Variants in UBR2 observed in about 807,000 individuals in gnomAD.
UBR2 encodes the protein ubiquitin protein ligase E3 component n-recognin 2, also known as E3 ubiquitin-protein ligase UBR2.
A neutral mutation model predicts 247.9 loss-of-function variants in UBR2; 92 were observed. The observed-to-expected ratio is 0.37, with a 90% CI of 0.31 to 0.44. UBR2 has a LOEUF of 0.44. UBR2 is among the 20% of genes least tolerant of loss of function. The pLI is 1.00. For synonymous variants in UBR2, 672 were observed against 693.5 expected (o/e 0.97, Z 0.49); for missense variants, 1,613 against 2,112.6 (o/e 0.76, Z 4.64).
intron 2 of UBR2, among the ~76,000 whole-genome samples, chr6:42,582,136 A>G (rs1402828049): frequency 1.3e-5 from 2 of 152,026 alleles, no homozygotes; most frequent in Non-Finnish European, 2.9e-5. Context: ...ACAAAAAATT[A>G]GCCGGGCGTG....
At position 42,686,726 on chromosome 6, in the gene UBR2, G is replaced by A. The variant is rs529753168; in HGVS notation, c.4854-1490G>A. 2.3e-3 allele frequency among the ~76,000 whole-genome samples: 341 copies of A among 150,844 alleles called. 3 individuals carry two copies. The highest frequency in any genetic ancestry group is 6.8e-3 in the African/African-American group (278 of 41,024). On this transcript the variant is annotated intron_variant, in intron 44 of 46. Transcript: ENST00000372901. ...GGGAGCTGCCCCCCACCTCCCGGACGGGGCAGCTGGCCGGGTAGGGGCTGC... is the reference window on the plus strand; with the variant it reads ...GGGAGCTGCCCCCCACCTCCCGGACAGGGCAGCTGGCCGGGTAGGGGCTGC...
chr6:42,636,927 C>T, intron 14 of UBR2, 84 bp from the exon 15 acceptor site: 5 of 1,433,566 alleles, frequency 3.5e-6, no homozygotes, highest in South Asian at 1.4e-5. Flanking sequence ...ATTTGAGGTA[C>T]TTACTCACTG....
intron 14 of UBR2, 51 bp from the exon 15 acceptor site, chr6:42,636,957 ATGT>A: frequency 2.6e-6 from 4 of 1,564,392 alleles, no homozygotes; most frequent in East Asian, 2.3e-5. Context: ...TGCTTATTCA[ATGT>A]TGTAAAAACT....
Position 42,573,891 on chromosome 6 carries a change from G to T in UBR2, c.236G>T (p.Gly79Val). 6.2e-7 allele frequency: 1 copy of T among 1,614,092 alleles called. No homozygotes were observed. Among genetic ancestry groups the T allele is most frequent in the South Asian group, 1.1e-5 (1 of 91,060 alleles). ...LLGPMEWYLC[G>V]EDPAFGFPKL... Reference sequence around the variant, plus strand: ...GGACCAATGGAATGGTACCTTTGTGGTGAAGATCCTGCATTTGGATTTCCA... The same window carrying T: ...GGACCAATGGAATGGTACCTTTGTGTTGAAGATCCTGCATTTGGATTTCCA... The change falls in exon 2 of 47, where the codon GGT (glycine) becomes GTT (valine). Residue 79 changes from glycine to valine, a missense_variant. Physicochemically the swap from Gly to Val is moderately radical, Grantham distance 109. Around this residue, in one of 3 missense-constraint regions of UBR2, gnomAD observed 1,524 missense variants for 1,967.3 expected, o/e 0.77. Coordinates refer to ENST00000372901, the MANE Select transcript of UBR2 (RefSeq NM_001363705.2).
intron 4 of UBR2, among the ~76,000 whole-genome samples, chr6:42,601,676 GAAACTCTAGCTCA>G (rs1793370169): frequency 9.4e-6 from 1 of 105,904 alleles, no homozygotes; most frequent in Admixed American, 1.1e-4. Flanking sequence ...CGACAAGAGC[GAAACTCTAGCTCA>G]AAAAAAAAAA....
chr6:42,690,792 T>C (rs374036), intron 46 of UBR2, among the ~76,000 whole-genome samples: 138,660 of 152,132 alleles, frequency 0.91, 63,252 homozygotes, highest in East Asian at 0.99. Flanking sequence ...CACCTCACTC[T>C]GGGTAAGTCT....
chr6:42,639,563 A>G (rs915201113), intron 15 of UBR2, among the ~76,000 whole-genome samples: 3 of 152,140 alleles, frequency 2.0e-5, no homozygotes, highest in Non-Finnish European at 4.4e-5. Flanking sequence ...CCTTGAGGTT[A>G]GAAACTAATG....
intron 4 of UBR2, among the ~76,000 whole-genome samples, chr6:42,595,705 A>G (rs1792924674): frequency 6.6e-6 from 1 of 151,032 alleles, no homozygotes; most frequent in Admixed American, 6.6e-5. Context: ...AGCCAAGATC[A>G]TGACCCTGTC....
chr6:42,664,960 G>A (rs889051605), intron 32 of UBR2, among the ~76,000 whole-genome samples: 1 of 152,134 alleles, frequency 6.6e-6, no homozygotes, highest in East Asian at 1.9e-4. Context: ...GTAAAATGGG[G>A]ACAATAATAA....
At position 42,640,443 on chromosome 6, in the gene UBR2, C is replaced by CAT. The variant is rs1582619022; in HGVS notation, c.1920+179_1920+180dup. Reference sequence around the variant, plus strand: ...GTGTGTGTGTGTGTGTGTATAGATACATATATAGAGAGAGAGAGACAGAGA... The same window carrying CAT: ...GTGTGTGTGTGTGTGTGTATAGATACATATATATAGAGAGAGAGAGACAGAGA... On this transcript the variant is annotated intron_variant, in intron 16 of 46. Transcript: ENST00000372901. Among the ~76,000 whole-genome samples the CAT allele has an allele frequency of 6.3e-5, 8 of 127,960 alleles. No individual in the cohort carries two copies. In the South Asian group the frequency reaches 1.5e-3, roughly 24 times the overall value. 83.9% of individuals were successfully genotyped at this position (127,960 alleles called of 152,430 possible). A position where few individuals can be genotyped will look rare whatever the true frequency, so the allele number is the denominator to read the frequency against.
At chr6:42,681,905 CTAT>C (rs1290931726) in intron 42 of UBR2, among the ~76,000 whole-genome samples, 1 of 152,130 alleles carries the variant, frequency 6.6e-6, no homozygotes, top group African/African-American at 2.4e-5. Context: ...ACACAATGGA[CTAT>C]TATTCAGTCT....
intron 41 of UBR2, among the ~76,000 whole-genome samples, chr6:42,679,523 A>G (rs1798906490): frequency 6.6e-6 from 1 of 152,266 alleles, no homozygotes; most frequent in Non-Finnish European, 1.5e-5. Context: ...TTGATGTAGG[A>G]GTCGCCTGAC....
intron 2 of UBR2, among the ~76,000 whole-genome samples, chr6:42,576,988 C>A (rs1461781992): frequency 2.0e-5 from 3 of 152,106 alleles, no homozygotes; most frequent in Non-Finnish European, 4.4e-5. Flanking sequence ...CAGCCAGGTT[C>A]TTTATTAGAT....
At chr6:42,671,264 G>C (rs1229162855) in intron 36 of UBR2, among the ~76,000 whole-genome samples, 2 of 151,886 alleles carry the variant, frequency 1.3e-5, no homozygotes, top group African/African-American at 4.8e-5. Flanking sequence ...AATTGGCTAG[G>C]AGTGGTGGCG....
intron 1 of UBR2, among the ~76,000 whole-genome samples, chr6:42,568,849 T>G (rs767705211): frequency 6.6e-5 from 10 of 152,210 alleles, no homozygotes; most frequent in Non-Finnish European, 1.5e-4. Flanking sequence ...TTAAAATATT[T>G]GCAGTTATAC....
At chr6:42,674,105 T>G in intron 37 of UBR2, 21 bp from the exon 38 acceptor site, 1 of 1,607,394 alleles carries the variant, frequency 6.2e-7, no homozygotes, top group Non-Finnish European at 8.5e-7. Context: ...TATGCTAATG[T>G]ATTTCTCTTT....
At chr6:42,614,967 A>G (rs1034999279) in intron 8 of UBR2, 104 bp from the exon 9 acceptor site, 1 of 901,552 alleles carries the variant, frequency 1.1e-6, no homozygotes, top group Non-Finnish European at 1.6e-6. Flanking sequence ...TTGAACTTTA[A>G]GAAAACATTT....
chr6:42,582,633 T>C (rs1791985580), intron 2 of UBR2, among the ~76,000 whole-genome samples: 1 of 152,200 alleles, frequency 6.6e-6, no homozygotes, highest in Non-Finnish European at 1.5e-5. Context: ...GACTTTTTTT[T>C]TAACAAAACA....
rs1310391925 is a variant in UBR2, at chr6:42,617,471, A to C, written c.1245A>C (p.Ala415=). ...ACCACGACAGAGAGTTTTCAGTCGC[A>C]GACCTCTCGGTTCAGATATTCACGG... The part of the protein sequence containing the change: ...TDDHDREFSV[A]DLSVQIFTVP... Residue 415 remains alanine, a synonymous_variant, in exon 11 of 47, where the codon GCA becomes GCC. Coordinates refer to ENST00000372901, the MANE Select transcript of UBR2 (RefSeq NM_001363705.2). 1.3e-6 allele frequency: 2 copies of C among 1,554,660 alleles called. No individual in the cohort carries two copies. Among genetic ancestry groups the C allele is most frequent in the Admixed American group, 3.9e-5 (2 of 51,124 alleles).
Sources: allele counts gnomAD v4.1 joint callset (sites outside exome capture counted in the v4.1 genomes callset), GRCh38; gene constraint gnomAD v4.1.1; regional missense constraint gnomAD v4.1.1; transcripts MANE v1.5; gene names NCBI Gene and HGNC (gene_info 2026-07-23, HGNC 2026-07-21).